The following SMAP1 variants were observed in gnomAD, a reference collection of about 807,000 sequenced individuals.
SMAP1 encodes the protein small ArfGAP 1.
A neutral mutation model predicts 58.5 loss-of-function variants in SMAP1; 24 were observed. That is an observed-to-expected ratio of 0.41 (90% CI 0.30 to 0.58). SMAP1 has a LOEUF of 0.58. SMAP1 is among the 20% of genes least tolerant of loss of function. The pLI is 0.29. For missense variants in SMAP1, 563 were observed against 566.3 expected (o/e 0.99, Z 0.06); for synonymous variants, 216 against 196.6 (o/e 1.10, Z -0.82).
chr6:70,770,800 G>T (rs536008829), intron 3 of SMAP1, among the ~76,000 whole-genome samples: 1 of 152,292 alleles, frequency 6.6e-6, no homozygotes, highest in East Asian at 1.9e-4. Context: ...GAGGAGCTGC[G>T]TTCCTTTGGA....
intron 6 of SMAP1, among the ~76,000 whole-genome samples, chr6:70,836,364 C>T (rs552522223): frequency 9.5e-4 from 144 of 152,052 alleles, no homozygotes; most frequent in Non-Finnish European, 1.5e-3. Context: ...AGGAAAGACC[C>T]GCCCCCGTGA....
intron 4 of SMAP1, 121 bp from the exon 5 acceptor site, chr6:70,791,568 C>T: frequency 1.5e-6 from 1 of 662,478 alleles, no homozygotes; most frequent in Non-Finnish European, 2.5e-6. Flanking sequence ...ACTTTATTAA[C>T]ATGCCTCTAA....
intron 2 of SMAP1, among the ~76,000 whole-genome samples, chr6:70,752,695 A>C (rs1766327437): frequency 6.6e-6 from 1 of 151,572 alleles, no homozygotes; most frequent in Admixed American, 6.6e-5. Flanking sequence ...CTCATTTCCA[A>C]ATTGCCCAAT....
In SMAP1 at chr6:70,771,300, T is replaced by C. The variant is rs1007999351; in HGVS notation, c.339-2050T>C. Among the ~76,000 whole-genome samples, 19 of 152,240 alleles carry C rather than the reference T, an allele frequency of 1.2e-4. 1 individual carries two copies. The highest frequency in any genetic ancestry group is 1.2e-3 in the Admixed American group (19 of 15,290). On this transcript the variant is annotated intron_variant, in intron 3 of 10. Transcript: ENST00000370455. ...TTCAAAGCTGTCAGACAGGGATGTTTAAGTCTGCAGAGGTTACTGCTGTCT... is the reference window on the plus strand; with the variant it reads ...TTCAAAGCTGTCAGACAGGGATGTTCAAGTCTGCAGAGGTTACTGCTGTCT...
chr6:70,798,088 A>G (rs1411848261), intron 5 of SMAP1, among the ~76,000 whole-genome samples: 1 of 152,064 alleles, frequency 6.6e-6, no homozygotes, highest in African/African-American at 2.4e-5. Flanking sequence ...CCCAAGCACT[A>G]TCTTGAACAT....
At chr6:70,699,252 A>G (rs1217091400) in intron 1 of SMAP1, among the ~76,000 whole-genome samples, 1 of 152,180 alleles carries the variant, frequency 6.6e-6, no homozygotes, top group African/African-American at 2.4e-5. Context: ...CTGCAAACAA[A>G]TGGAGTCTCT....
At chr6:70,697,565 C>G (rs1188677567) in intron 1 of SMAP1, among the ~76,000 whole-genome samples, 1 of 152,164 alleles carries the variant, frequency 6.6e-6, no homozygotes, top group African/African-American at 2.4e-5. Flanking sequence ...CTCGGCCTCC[C>G]CAAGTGCTGG....
intron 3 of SMAP1, among the ~76,000 whole-genome samples, chr6:70,757,050 G>A (rs1016211792): frequency 1.5e-4 from 23 of 152,048 alleles, no homozygotes; most frequent in African/African-American, 5.1e-4. Flanking sequence ...AAAAAGAGCC[G>A]GCATTGCCAA....
intron 3 of SMAP1, among the ~76,000 whole-genome samples, chr6:70,768,941 G>A (rs1291746942): frequency 4.0e-5 from 6 of 151,862 alleles, no homozygotes; most frequent in Non-Finnish European, 8.8e-5. Context: ...AGAGATTCTG[G>A]TATGTTGTGT....
At chr6:70,684,178 TG>T in intron 1 of SMAP1, among the ~76,000 whole-genome samples, 1 of 152,242 alleles carries the variant, frequency 6.6e-6, no homozygotes, top group Non-Finnish European at 1.5e-5. Context: ...TTTCAAAATT[TG>T]GGATATTTGT....
chr6:70,686,037 G>A (rs1045038969), intron 1 of SMAP1, among the ~76,000 whole-genome samples: 3 of 152,022 alleles, frequency 2.0e-5, no homozygotes, highest in Non-Finnish European at 1.5e-5. Context: ...CAGGTAGCTG[G>A]GACTACAGAT....
chr6:70,760,778 A>G lies in SMAP1; in HGVS notation c.338+5713A>G, dbSNP rs554328468. On this transcript the variant is annotated intron_variant, in intron 3 of 10. Coordinates refer to ENST00000370455, the MANE Select transcript of SMAP1 (RefSeq NM_001044305.3). ...CTCATATAATATGGGACCTCATTGC[A>G]TTCTTAACAAGATTTGTCACTTTTT... 5.9e-5 allele frequency among the ~76,000 whole-genome samples: 9 copies of G among 152,222 alleles called. No individual in the cohort carries two copies. In the South Asian group the frequency reaches 1.9e-3, roughly 32 times the overall value.
chr6:70,767,935 A>C (rs1475204887), intron 3 of SMAP1, among the ~76,000 whole-genome samples: 27 of 146,076 alleles, frequency 1.8e-4, no homozygotes, highest in Non-Finnish European at 3.4e-4. Flanking sequence ...ACCAATACCT[A>C]ATTTATTGAG....
In SMAP1 at chr6:70,777,757, G is replaced by GT. The variant is rs879692456; in HGVS notation, c.414+4345dup. 6.3e-3 allele frequency among the ~76,000 whole-genome samples: 908 copies of GT among 144,358 alleles called. 1 individual carries two copies. Among genetic ancestry groups the GT allele is most frequent in the African/African-American group, 0.012 (495 of 39,746 alleles). The allele number at this position is 144,358 out of a possible 152,430, so 94.7% of individuals were successfully genotyped here. ...CTCCTATTTAAGTCTTCATTATTAAGTTTTTTTTTTTTTGAGATGGAGTCC... is the reference window on the plus strand; with the variant it reads ...CTCCTATTTAAGTCTTCATTATTAAGTTTTTTTTTTTTTTGAGATGGAGTCC... On this transcript the variant is annotated intron_variant, in intron 4 of 10. Coordinates refer to ENST00000370455, the MANE Select transcript of SMAP1 (RefSeq NM_001044305.3).
At chr6:70,856,755 GT>G (rs1332442201) in intron 8 of SMAP1, 103 bp from the exon 9 acceptor site, 1 of 1,212,456 alleles carries the variant, frequency 8.2e-7, no homozygotes, top group Non-Finnish European at 1.1e-6. Context: ...TTCTACAATT[GT>G]TTGATTCCTA....
At chr6:70,687,176 T>G (rs966241354) in intron 1 of SMAP1, among the ~76,000 whole-genome samples, 2 of 152,222 alleles carry the variant, frequency 1.3e-5, no homozygotes, top group Non-Finnish European at 2.9e-5. Context: ...ATAGAATGTT[T>G]CCAGCATCAT....
At chr6:70,812,666 A>C (rs1249604440) in intron 6 of SMAP1, among the ~76,000 whole-genome samples, 1 of 152,208 alleles carries the variant, frequency 6.6e-6, no homozygotes, top group Non-Finnish European at 1.5e-5. Context: ...AAAAAATTAA[A>C]AGATAATCAA....
intron 6 of SMAP1, among the ~76,000 whole-genome samples, chr6:70,814,457 C>T (rs1769529552): frequency 6.6e-6 from 1 of 151,978 alleles, no homozygotes; most frequent in Admixed American, 6.6e-5. Context: ...TGGTTTTTTT[C>T]CCTGTGCCAA....
At chr6:70,790,519 T>A (rs1191412763) in intron 4 of SMAP1, among the ~76,000 whole-genome samples, 2 of 152,092 alleles carry the variant, frequency 1.3e-5, no homozygotes, top group Admixed American at 6.6e-5. Flanking sequence ...CTTTTTTTTA[T>A]GGAAGATCTA....
Sources: allele counts gnomAD v4.1 joint callset (sites outside exome capture counted in the v4.1 genomes callset), GRCh38; gene constraint gnomAD v4.1.1; transcripts MANE v1.5; gene names NCBI Gene and HGNC (gene_info 2026-07-23, HGNC 2026-07-21).